The following MDN1 variants were observed in gnomAD, a reference collection of about 807,000 sequenced individuals.
The protein encoded by MDN1 is midasin AAA ATPase 1, also known as midasin.
MDN1 carries 266 observed loss-of-function variants against 669.2 expected under a neutral mutation model. The observed-to-expected ratio is 0.40, with a 90% confidence interval of 0.36 to 0.44. MDN1 has a LOEUF of 0.44. MDN1 is among the 20% of genes least tolerant of loss of function. The pLI is 1.00. For synonymous variants in MDN1, 2,385 were observed against 2,457.1 expected (o/e 0.97, Z 0.87); for missense variants, 5,940 against 6,754.0 (o/e 0.88, Z 4.22).
At chr6:89,805,609 A>T (rs886091090) in intron 1 of MDN1, among the ~76,000 whole-genome samples, 3 of 152,204 alleles carry the variant, frequency 2.0e-5, no homozygotes, top group African/African-American at 7.2e-5. Context: ...TGTACCTTGA[A>T]CACAGCATAA....
chr6:89,770,779 A>C (rs948759879), intron 15 of MDN1, among the ~76,000 whole-genome samples: 1 of 152,192 alleles, frequency 6.6e-6, no homozygotes, highest in Non-Finnish European at 1.5e-5. Context: ...CTGGGATTAC[A>C]GGTGTGAGCC....
intron 46 of MDN1, among the ~76,000 whole-genome samples, 161 bp from the exon 47 acceptor site, chr6:89,713,457 C>G (rs886262725): frequency 6.6e-6 from 1 of 152,166 alleles, no homozygotes; most frequent in Non-Finnish European, 1.5e-5. Flanking sequence ...TCCGAGGGCA[C>G]AAAGGACCTG....
intron 52 of MDN1, among the ~76,000 whole-genome samples, chr6:89,706,760 T>C (rs1813541520): frequency 1.3e-5 from 2 of 152,190 alleles, no homozygotes; most frequent in Non-Finnish European, 2.9e-5. Context: ...GTATATTTTA[T>C]ACAAGTATTT....
intron 27 of MDN1, among the ~76,000 whole-genome samples, chr6:89,746,312 T>C (rs1048098172): frequency 6.6e-6 from 1 of 152,136 alleles, no homozygotes; most frequent in African/African-American, 2.4e-5. Context: ...TTGCCGGGCA[T>C]GGTGGCTCAT....
At chr6:89,711,404 A>G (rs963956106) in intron 49 of MDN1, among the ~76,000 whole-genome samples, 8 of 152,244 alleles carry the variant, frequency 5.3e-5, no homozygotes, top group Admixed American at 3.9e-4. Context: ...TACTACAACA[A>G]CTATTTACAT....
intron 16 of MDN1, 108 bp from the exon 17 acceptor site, chr6:89,761,856 C>A: frequency 1.3e-6 from 1 of 789,754 alleles, no homozygotes; most frequent in Non-Finnish European, 2.0e-6. Context: ...GCATCTTACA[C>A]AAAACACTAA....
Position 89,668,093 on chromosome 6 carries a change from A to C in MDN1, c.14015T>G (p.Phe4672Cys). The change falls in exon 84 of 102, where the codon TTC becomes TGC. Residue 4672 changes from phenylalanine to cysteine, a missense_variant. This residue lies in a region of MDN1 where 2,280 missense variants were observed against 2,576.3 expected (regional missense o/e 0.88). Coordinates refer to ENST00000369393, the MANE Select transcript of MDN1 (RefSeq NM_014611.3). ...EDSAGEGATE[F>C]HDYEGGGIGE... is the part of the protein sequence containing the mutation. ...AATTCCACCTCCCTCATAGTCATGG[A>C]ACTCAGTTGCTCCCTCTCCAGCTGA... 2 of 1,614,134 alleles carry C rather than the reference A, an allele frequency of 1.2e-6. No homozygotes were observed. Among genetic ancestry groups the C allele is most frequent in the Non-Finnish European group, 1.7e-6 (2 of 1,180,000 alleles).
chr6:89,700,054 ATGG>A lies in MDN1; in HGVS notation c.8870+6_8870+8del. On this transcript the variant is annotated splice_donor_region_variant and intron_variant, in intron 57 of 101. Transcript: ENST00000369393. ...TCCCGCAAGGAAAACAACTGAAAGCATGGTTTACCTTCTGAGACAAGCTTGTGC... is the reference window on the plus strand; with the variant it reads ...TCCCGCAAGGAAAACAACTGAAAGCATTTACCTTCTGAGACAAGCTTGTGC... 1.2e-6 allele frequency: 2 copies of A among 1,611,640 alleles called. No homozygotes were observed. The highest frequency in any genetic ancestry group is 4.5e-5 in the East Asian group (2 of 44,866).
chr6:89,745,174 G>C (rs952720956), intron 29 of MDN1, 99 bp downstream of exon 29: 1 of 740,466 alleles, frequency 1.4e-6, no homozygotes. Context: ...AAGGAGGAAA[G>C]AAGGGGGGAT....
chr6:89,790,777 T>C lies in MDN1; in HGVS notation c.856-376A>G, dbSNP rs573546657. 4.6e-5 allele frequency among the ~76,000 whole-genome samples: 7 copies of C among 152,256 alleles called. No individual in the cohort carries two copies. The South Asian group carries it at 1.2e-3, about 27-fold the overall frequency. On this transcript the variant is annotated intron_variant, in intron 5 of 101. Transcript: ENST00000369393. ...GGCTCAAGCCTGTAATACCAGCACT[T>C]TGTGAAGCCAAGGCAGGTGGATCAC...
chr6:89,721,064 G>C (rs1472907552), intron 40 of MDN1, among the ~76,000 whole-genome samples: 11 of 152,242 alleles, frequency 7.2e-5, no homozygotes, highest in African/African-American at 2.7e-4. Flanking sequence ...CTTGAGCCCA[G>C]GAGGTCAAGG....
At chr6:89,704,864 G>T (rs1386112869) in intron 53 of MDN1, among the ~76,000 whole-genome samples, 1 of 152,226 alleles carries the variant, frequency 6.6e-6, no homozygotes, top group African/African-American at 2.4e-5. Context: ...AGAGGCGTGA[G>T]CCACCGCACC....
intron 27 of MDN1, among the ~76,000 whole-genome samples, chr6:89,746,611 A>AAAAAAAAGAAAGAAAG (rs1554191094): frequency 2.5e-5 from 1 of 40,530 alleles, no homozygotes; most frequent in African/African-American, 9.1e-5. Context: ...AAAAAAAAAA[A>AAAAAAAAGAAAGAAAG]AAAGAAAGAA....
chr6:89,702,242 T>C (rs766593488), intron 53 of MDN1, among the ~76,000 whole-genome samples, 181 bp from the exon 54 acceptor site: 18 of 152,234 alleles, frequency 1.2e-4, no homozygotes, highest in Admixed American at 4.6e-4. Flanking sequence ...TGGACTGGAA[T>C]ATATGTAGGA....
chr6:89,670,259 C>T (rs527856809), intron 83 of MDN1, among the ~76,000 whole-genome samples: 19 of 144,488 alleles, frequency 1.3e-4, no homozygotes, highest in South Asian at 4.5e-4. Flanking sequence ...CTGCAACCTC[C>T]GCCTCCCCGG....
At chr6:89,796,370 C>A in intron 2 of MDN1, among the ~76,000 whole-genome samples, 2 of 122,834 alleles carry the variant, frequency 1.6e-5, no homozygotes, top group Non-Finnish European at 1.7e-5. Context: ...AAACCAAACA[C>A]TTTGAACATT....
intron 22 of MDN1, 81 bp downstream of exon 22, chr6:89,753,430 GA>G (rs34799081): frequency 0.45 from 391,971 of 875,788 alleles, 55,208 homozygotes; most frequent in East Asian, 0.65. Flanking sequence ...AAAGTTATGT[GA>G]AAAAAAAAAA....
chr6:89,799,472 C>G (rs1368063966), intron 2 of MDN1, among the ~76,000 whole-genome samples: 1 of 152,232 alleles, frequency 6.6e-6, no homozygotes, highest in Non-Finnish European at 1.5e-5. Flanking sequence ...CACCTAAGGT[C>G]AGGAGTTCAA....
Position 89,803,895 on chromosome 6 carries a change from CTTT to C in MDN1, c.103-344_103-342del, listed in dbSNP as rs56246331. ...CGCGCCCGGCCTTTTCTTTTCTTTT[CTTT>C]TTTTTTTTTTTTTTTTTTTTGGAGA... On this transcript the variant is annotated intron_variant, in intron 1 of 101. Coordinates refer to ENST00000369393, the MANE Select transcript of MDN1 (RefSeq NM_014611.3). 6.3e-4 allele frequency among the ~76,000 whole-genome samples: 48 copies of C among 76,388 alleles called. No individual in the cohort carries two copies. The South Asian group carries it at 0.019, about 30-fold the overall frequency. The allele number at this position is 76,388 out of a possible 152,430, so 50.1% of individuals were successfully genotyped here.
Sources: allele counts gnomAD v4.1 joint callset (sites outside exome capture counted in the v4.1 genomes callset), GRCh38; gene constraint gnomAD v4.1.1; regional missense constraint gnomAD v4.1.1; transcripts MANE v1.5; gene names NCBI Gene and HGNC (gene_info 2026-07-23, HGNC 2026-07-21).